PDIA5: variants seen among roughly 807,000 people sequenced by gnomAD.
The protein encoded by PDIA5 is protein disulfide-isomerase A5.
Under a neutral mutation model 77.6 loss-of-function variants are expected in PDIA5, and 58 were observed. The ratio of observed to expected loss-of-function variants is 0.75; its 90% CI spans 0.61 to 0.93. The LOEUF is 0.93. Ranked by LOEUF, PDIA5 falls within the 40% of genes least tolerant of loss-of-function variation. The pLI, the probability that PDIA5 is intolerant of heterozygous loss-of-function variation, is 0.00. For missense variants in PDIA5, 630 were observed against 647.7 expected (o/e 0.97, Z 0.30); for synonymous variants, 250 against 252.1 (o/e 0.99, Z 0.08).
At chr3:123,101,283 A>G (rs541763162) in intron 3 of PDIA5, among the ~76,000 whole-genome samples, 10 of 152,288 alleles carry the variant, frequency 6.6e-5, no homozygotes, top group African/African-American at 2.4e-4. Flanking sequence ...CTAATTTAGT[A>G]GGTCTGGGAT....
At chr3:123,110,677 G>A (rs974690272) in intron 6 of PDIA5, among the ~76,000 whole-genome samples, 2 of 152,184 alleles carry the variant, frequency 1.3e-5, no homozygotes, top group African/African-American at 4.8e-5. Flanking sequence ...AAAGCCATTT[G>A]TTAGCTTGGG....
intron 15 of PDIA5, among the ~76,000 whole-genome samples, chr3:123,157,659 A>G (rs1003858706): frequency 1.3e-5 from 2 of 152,214 alleles, no homozygotes; most frequent in Admixed American, 6.5e-5. Context: ...GCCAAAGTCA[A>G]TATTAGCTCC....
chr3:123,152,099 GCCTTCCTT>G (rs55766491), intron 14 of PDIA5, among the ~76,000 whole-genome samples: 30,326 of 79,406 alleles, frequency 0.38, 6,923 homozygotes, highest in African/African-American at 0.53. Context: ...CTGCCTTCCT[GCCTTCCTT>G]CCTTCCTTCC....
At chr3:123,076,630 G>A (rs974004372) in intron 1 of PDIA5, among the ~76,000 whole-genome samples, 7 of 152,216 alleles carry the variant, frequency 4.6e-5, no homozygotes, top group Admixed American at 2.0e-4. Flanking sequence ...GATGTACACC[G>A]TGGGTCATGA....
At chr3:123,123,560 ACT>A (rs1935167508) in intron 8 of PDIA5, among the ~76,000 whole-genome samples, 1 of 152,212 alleles carries the variant, frequency 6.6e-6, no homozygotes, top group African/African-American at 2.4e-5. Flanking sequence ...GAAACGTCAC[ACT>A]CAAGCCTAGG....
intron 8 of PDIA5, among the ~76,000 whole-genome samples, chr3:123,120,155 G>C (rs902584737): frequency 1.3e-5 from 2 of 152,188 alleles, no homozygotes; most frequent in African/African-American, 4.8e-5. Flanking sequence ...GAGCCTTTGA[G>C]CTTTGCCTAG....
chr3:123,102,695 G>A lies in PDIA5; in HGVS notation c.342-56G>A. On this transcript the variant is annotated intron_variant, in intron 4 of 16. Transcript: ENST00000316218. ...ATTAAGATGCTGCAGGAAACCAAAGGTATGTATCTTCACAACCATTCTTAA... is the reference window on the plus strand; with the variant it reads ...ATTAAGATGCTGCAGGAAACCAAAGATATGTATCTTCACAACCATTCTTAA... The A allele has an allele frequency of 2.2e-6, 3 of 1,376,838 alleles. No homozygotes were observed. The South Asian group carries it at 3.5e-5, about 16-fold the overall frequency. The allele number at this position is 1,376,838 out of a possible 1,614,324, so 85.3% of individuals were successfully genotyped here.
intron 11 of PDIA5, chr3:123,144,881 C>T (rs1935728360): frequency 6.6e-6 from 1 of 151,906 alleles, no homozygotes; most frequent in Non-Finnish European, 1.5e-5. Context: ...GAGCAAGACT[C>T]TATCTCAAAA....
At chr3:123,115,632 G>A (rs964507186) in intron 7 of PDIA5, among the ~76,000 whole-genome samples, 11 of 151,982 alleles carry the variant, frequency 7.2e-5, no homozygotes, top group Admixed American at 1.3e-4. Flanking sequence ...ATCAGAGTCC[G>A]CATGGCATCC....
At chr3:123,154,436 C>T (rs573596786) in intron 14 of PDIA5, among the ~76,000 whole-genome samples, 1 of 152,282 alleles carries the variant, frequency 6.6e-6, no homozygotes, top group East Asian at 1.9e-4. Flanking sequence ...TGGCTGCTCA[C>T]AGTCTGGGCT....
At position 123,088,273 on chromosome 3, in the gene PDIA5, C is replaced by G. The variant is rs561655888; in HGVS notation, c.43-895C>G. On this transcript the variant is annotated intron_variant, in intron 1 of 16. Transcript: ENST00000316218. ...ACCCCCACCCATTGCTTTTAGCCCACCCTTCATTGTGCCTGCAGAGGTGCC... is the reference window on the plus strand; with the variant it reads ...ACCCCCACCCATTGCTTTTAGCCCAGCCTTCATTGTGCCTGCAGAGGTGCC... Among the ~76,000 whole-genome samples, 4 of 152,208 alleles carry G rather than the reference C, an allele frequency of 2.6e-5. No homozygotes were observed. In the East Asian group the frequency reaches 7.7e-4, roughly 29 times the overall value.
At chr3:123,111,062 A>G (rs1576447471) in intron 7 of PDIA5, 58 bp downstream of exon 7, 60 of 765,184 alleles carry the variant, frequency 7.8e-5, no homozygotes, top group Non-Finnish European at 1.1e-4. Context: ...TGTGGGTGGG[A>G]GGCAGGTGGG....
In PDIA5 at chr3:123,080,783, A is replaced by T. The variant is rs1933980817; in HGVS notation, c.43-8385A>T. ...TGTGTGTGCCAGAACACCCAGAATG[A>T]GAGCTCCTTAAAAAGATCATTTATT... is the stretch of plus-strand genomic sequence containing the variant. On this transcript the variant is annotated intron_variant, in intron 1 of 16. Transcript: ENST00000316218. 2.0e-5 allele frequency among the ~76,000 whole-genome samples: 3 copies of T among 152,218 alleles called. No homozygotes were observed. The South Asian group carries it at 6.2e-4, about 32-fold the overall frequency.
chr3:123,100,071 T>G (rs973114200), intron 3 of PDIA5, among the ~76,000 whole-genome samples: 1 of 152,200 alleles, frequency 6.6e-6, no homozygotes, highest in Admixed American at 6.5e-5. Flanking sequence ...CCCCAGCTGC[T>G]GTTTGTTGTT....
At chr3:123,086,652 T>C (rs998907923) in intron 1 of PDIA5, among the ~76,000 whole-genome samples, 3 of 152,230 alleles carry the variant, frequency 2.0e-5, no homozygotes, top group Admixed American at 6.5e-5. Context: ...GTCTGGTTGC[T>C]CTGCAGGCTG....
Position 123,114,031 on chromosome 3 carries a change from C to T in PDIA5, c.542-2200C>T, listed in dbSNP as rs1417693414. 4.6e-5 allele frequency among the ~76,000 whole-genome samples: 7 copies of T among 152,302 alleles called. No individual in the cohort carries two copies. The East Asian group carries it at 1.4e-3, about 29-fold the overall frequency. On this transcript the variant is annotated intron_variant, in intron 7 of 16. Coordinates refer to ENST00000316218, the MANE Select transcript of PDIA5 (RefSeq NM_006810.4). ...AACTGGCTTGGCCTGTGGTTTCCTA[C>T]TCCTCCTGCATCACCTCTCCCCAAC... is the stretch of plus-strand genomic sequence containing the variant.
chr3:123,147,553 T>C (rs1479313956), intron 13 of PDIA5, among the ~76,000 whole-genome samples: 1 of 152,164 alleles, frequency 6.6e-6, no homozygotes, highest in Non-Finnish European at 1.5e-5. Flanking sequence ...CAACACCAGC[T>C]TGTGGAATGG....
intron 11 of PDIA5, among the ~76,000 whole-genome samples, chr3:123,133,415 C>G (rs989669557): frequency 6.6e-6 from 1 of 152,234 alleles, no homozygotes; most frequent in Non-Finnish European, 1.5e-5. Context: ...ATCAACATAG[C>G]AGACCACAGC....
At chr3:123,071,539 A>G (rs186360860) in intron 1 of PDIA5, among the ~76,000 whole-genome samples, 1 of 152,350 alleles carries the variant, frequency 6.6e-6, no homozygotes, top group African/African-American at 2.4e-5. Context: ...GCCATTTAAA[A>G]TGCTGTTTGG....
Sources: allele counts gnomAD v4.1 joint callset (sites outside exome capture counted in the v4.1 genomes callset), GRCh38; gene constraint gnomAD v4.1.1; transcripts MANE v1.5; gene names NCBI Gene and HGNC (gene_info 2026-07-23, HGNC 2026-07-21).